TMPRSS9: variants seen among roughly 807,000 people sequenced by gnomAD.
The protein encoded by TMPRSS9 is transmembrane protease serine 9.
Under a neutral mutation model 111.4 loss-of-function variants are expected in TMPRSS9, and 113 were observed. The ratio of observed to expected loss-of-function variants is 1.01; its 90% CI spans 0.87 to 1.19. TMPRSS9 has a LOEUF of 1.19. Ranked by LOEUF, TMPRSS9 falls within the 50% of genes most tolerant of loss-of-function variation. TMPRSS9 has a pLI of 0.00. For missense variants in TMPRSS9, 1,803 were observed against 1,513.1 expected (o/e 1.19, Z -3.18); for synonymous variants, 805 against 659.1 (o/e 1.22, Z -3.39).
At chr19:2,414,820 C>T (rs35801836) in intron 10 of TMPRSS9, among the ~76,000 whole-genome samples, 15 of 149,396 alleles carry the variant, frequency 1.0e-4, no homozygotes, top group Admixed American at 3.3e-4. Context: ...TGAGCTGATA[C>T]GGTGACATGG....
intron 1 of TMPRSS9, among the ~76,000 whole-genome samples, chr19:2,360,594 C>A (rs1025366772): frequency 3.2e-4 from 48 of 151,586 alleles, no homozygotes; most frequent in Admixed American, 1.4e-3. Context: ...TGTGTAGATG[C>A]GGCCAGGGTT....
At chr19:2,396,719 C>A in intron 2 of TMPRSS9, 53 bp downstream of exon 3, 1 of 1,557,912 alleles carries the variant, frequency 6.4e-7, no homozygotes, top group Non-Finnish European at 8.7e-7. Context: ...TGGCCGGGGG[C>A]TTTGACCTGG....
chr19:2,409,030 AATG>A (rs568420990), intron 8 of TMPRSS9, among the ~76,000 whole-genome samples: 13,701 of 124,630 alleles, frequency 0.11, 774 homozygotes, highest in South Asian at 0.15. Context: ...TAATAATAAT[AATG>A]ATGATGCAGA....
chr19:2,389,951 G>T, intron 1 of TMPRSS9, 24 bp downstream of exon 2: 1 of 1,596,786 alleles, frequency 6.3e-7, no homozygotes. Flanking sequence ...GGATTGGCTG[G>T]GTTCGCAATA....
intron 1 of TMPRSS9, among the ~76,000 whole-genome samples, chr19:2,374,923 A>C (rs560047011): frequency 1.4e-4 from 21 of 152,276 alleles, no homozygotes; most frequent in African/African-American, 4.8e-4. Flanking sequence ...TTGTTCACAA[A>C]CTACATATCC....
At chr19:2,425,409 G>C (rs1340847581) in exon 17 of TMPRSS9, 2 of 1,574,058 alleles carry the variant, frequency 1.3e-6, no homozygotes, top group Non-Finnish European at 1.7e-6. Flanking sequence ...TCAGCGAGCA[G>C]ACCTGCCGCC....
rs776775278 is a variant in TMPRSS9, at chr19:2,414,026, C to T, written c.1573+8C>T. ...CCGTTCCTAAGCTACAAGGTATTTTCGGGGCAGAAAGGTAGAAGATGATGT... is the reference window on the plus strand; with the variant it reads ...CCGTTCCTAAGCTACAAGGTATTTTTGGGGCAGAAAGGTAGAAGATGATGT... On this transcript the variant is annotated splice_region_variant and intron_variant, in intron 10 of 17. Transcript: ENST00000648592. 36 of 1,555,220 alleles carry T rather than the reference C, an allele frequency of 2.3e-5. No homozygotes were observed. The highest frequency in any genetic ancestry group is 1.9e-4 in the South Asian group (16 of 85,022).
chr19:2,425,912 T>C lies in TMPRSS9; in HGVS notation c.3121-15T>C. On this transcript the variant is annotated splice_polypyrimidine_tract_variant and intron_variant, in intron 17 of 17. Coordinates refer to ENST00000648592, the Ensembl canonical transcript of TMPRSS9. ...GGTACCGGCCTCTGAACCCCCTTTCTTCTCTCCCCAACAGGGTGACGCTGG... is the reference window on the plus strand; with the variant it reads ...GGTACCGGCCTCTGAACCCCCTTTCCTCTCTCCCCAACAGGGTGACGCTGG... The C allele has an allele frequency of 5.1e-6, 8 of 1,577,312 alleles. No individual in the cohort carries two copies. The highest frequency in any genetic ancestry group is 2.3e-5 in the East Asian group (1 of 43,444).
Position 2,422,262 on chromosome 19 carries a change from G to T in TMPRSS9, c.2548+15G>T, listed in dbSNP as rs375738615. ...CCAGCTACCAGGTACCGGGAGAGAC[G>T]GAGGGATCCCTGGGAGTGGAGGGTC... On this transcript the variant is annotated intron_variant, in intron 14 of 17. Transcript: ENST00000648592. 6.7e-7 allele frequency: 1 copy of T among 1,496,582 alleles called. No homozygotes were observed. The highest frequency in any genetic ancestry group is 8.9e-7 in the Non-Finnish European group (1 of 1,128,388). 92.7% of individuals were successfully genotyped at this position (1,496,582 alleles called of 1,614,324 possible).
chr19:2,423,391 A>C (rs1176756845), intron 14 of TMPRSS9, among the ~76,000 whole-genome samples: 1 of 147,948 alleles, frequency 6.8e-6, no homozygotes, highest in Non-Finnish European at 1.5e-5. Context: ...AGACGGTGCC[A>C]AGGCTGGTGG....
At chr19:2,416,338 C>T in intron 11 of TMPRSS9, 200 bp from the exon 13 acceptor site, 1 of 680,450 alleles carries the variant, frequency 1.5e-6, no homozygotes, top group Non-Finnish European at 2.4e-6. Flanking sequence ...CCGAGGTCCC[C>T]CAGCTTGGGA....
At chr19:2,366,692 C>G (rs1185109900) in intron 1 of TMPRSS9, among the ~76,000 whole-genome samples, 1 of 151,754 alleles carries the variant, frequency 6.6e-6, no homozygotes, top group Non-Finnish European at 1.5e-5. Flanking sequence ...CCCACCTCTA[C>G]TAAAAATACA....
chr19:2,395,853 A>C (rs1474151534), intron 1 of TMPRSS9, among the ~76,000 whole-genome samples: 1 of 151,452 alleles, frequency 6.6e-6, no homozygotes, highest in African/African-American at 2.4e-5. Context: ...TAAAAATACA[A>C]AAAAATTAGC....
intron 14 of TMPRSS9, 30 bp from the exon 16 acceptor site, chr19:2,424,059 C>A: frequency 8.0e-7 from 1 of 1,255,820 alleles, no homozygotes; most frequent in Non-Finnish European, 1.0e-6. Context: ...GCCCTGGGTC[C>A]GCCTGCCCAC....
chr19:2,426,157 C>A, exon 18 of TMPRSS9: 1 of 1,556,310 alleles, frequency 6.4e-7, no homozygotes, highest in Non-Finnish European at 8.7e-7. Context: ...CCCAACACCC[C>A]ACCCCACCGT....
intron 9 of TMPRSS9, among the ~76,000 whole-genome samples, chr19:2,413,067 T>C (rs1020529595): frequency 6.6e-6 from 1 of 152,030 alleles, no homozygotes; most frequent in Non-Finnish European, 1.5e-5. Context: ...TGGTGATGCG[T>C]GCCTATAATC....
In TMPRSS9 at chr19:2,403,067, C is replaced by A. The variant is rs577612474; in HGVS notation, c.557-15C>A. 2 of 1,595,082 alleles carry A rather than the reference C, an allele frequency of 1.3e-6. No homozygotes were observed. Among genetic ancestry groups the A allele is most frequent in the East Asian group, 4.5e-5 (2 of 44,322 alleles). Reference sequence around the variant, plus strand: ...GTAGCATGAGGTCAGAAAGTCGGTTCTTTTCTGTCCTCAGGCCGCTGTCCA... The same window carrying A: ...GTAGCATGAGGTCAGAAAGTCGGTTATTTTCTGTCCTCAGGCCGCTGTCCA... On this transcript the variant is annotated splice_polypyrimidine_tract_variant and intron_variant, in intron 5 of 17. Transcript: ENST00000648592.
rs75375476 is a variant in TMPRSS9, at chr19:2,374,158, C to T, written c.-26+13798C>T. 3.8e-3 allele frequency among the ~76,000 whole-genome samples: 579 copies of T among 150,960 alleles called. 3 individuals are homozygous for T. The highest frequency in any genetic ancestry group is 0.014 in the African/African-American group (560 of 41,274). On this transcript the variant is annotated intron_variant, in intron 1 of 17. Transcript: ENST00000649857. Reference sequence around the variant, plus strand: ...GCTTTTCAAGCTATTACATCAGCACCAAAGATTCCTTTTTCTTGTATTCAC... The same window carrying T: ...GCTTTTCAAGCTATTACATCAGCACTAAAGATTCCTTTTTCTTGTATTCAC...
Position 2,425,417 on chromosome 19 carries a change from G to A in TMPRSS9, c.3044G>A (p.Arg1015His), listed in dbSNP as rs200715461. The change falls in exon 17 of 18, where the codon CGC (arginine) becomes CAC (histidine). Residue 1015 changes from arginine (R) to histidine (H), a missense_variant. Physicochemically the swap from Arg to His is conservative, Grantham distance 29. Transcript: ENST00000648592. ...CGCCTCCTCAGCGAGCAGACCTGCC[G>A]CCGCTTCTACCCAGTGCAGATCAGC... 2,934 of 1,581,032 alleles carry A rather than the reference G, an allele frequency of 1.9e-3. 3 individuals are homozygous for A. Among genetic ancestry groups the A allele is most frequent in the Non-Finnish European group, 2.3e-3 (2,678 of 1,170,208 alleles).
Sources: gnomAD v4.1 joint callset for allele counts (sites outside exome capture counted in the v4.1 genomes callset) on GRCh38, gnomAD v4.1.1 for gene constraint, MANE v1.5 for transcripts, NCBI Gene and HGNC (gene_info 2026-07-23, HGNC 2026-07-21) for gene names.